Variants in PHF24 observed in about 807,000 individuals in gnomAD.
PHF24 encodes the protein Galpha inhibitory interacting protein.
In PHF24, 25 loss-of-function variants were observed where a neutral mutation model predicts 42.6. The ratio of observed to expected loss-of-function variants is 0.59; its 90% CI spans 0.43 to 0.82. PHF24 has a LOEUF of 0.82. Among genes scored for constraint, PHF24 ranks in the 40% least tolerant of loss-of-function variants. The probability of loss-of-function intolerance (pLI) is 0.00; values close to 1 mark genes in which losing one functional copy is unlikely to be tolerated. For missense variants in PHF24, 470 were observed against 538.1 expected (o/e 0.87, Z 1.25); for synonymous variants, 185 against 204.8 (o/e 0.90, Z 0.83).
chr9:34,782,991 T>TTGTTTCTGACC, the PHF24 span, among the ~76,000 whole-genome samples: 1 of 152,332 alleles, frequency 6.6e-6, no homozygotes, highest in Admixed American at 6.5e-5. Context: ...AGGTTGCGTT[T>TTGTTTCTGACC]TGTTTCTGAC....
At chr9:34,744,643 C>T in the PHF24 span, among the ~76,000 whole-genome samples, 3 of 152,170 alleles carry the variant, frequency 2.0e-5, no homozygotes, top group Admixed American at 6.5e-5. Context: ...TTTCATTCTG[C>T]AATGCTTTGC....
chr9:34,941,892 C>CA, the PHF24 span, among the ~76,000 whole-genome samples: 1 of 152,160 alleles, frequency 6.6e-6, no homozygotes, highest in Non-Finnish European at 1.5e-5. Context: ...TGAAGGGACA[C>CA]AAACAGTCAG....
chr9:34,860,391 C>CCTA, the PHF24 span, among the ~76,000 whole-genome samples: 1 of 152,046 alleles, frequency 6.6e-6, no homozygotes, highest in Non-Finnish European at 1.5e-5. Context: ...AGGATTTATT[C>CCTA]CTATATATTT....
the PHF24 span, among the ~76,000 whole-genome samples, chr9:34,921,758 T>C: frequency 6.6e-6 from 1 of 152,214 alleles, no homozygotes; most frequent in African/African-American, 2.4e-5. Context: ...GCCTTGTAAG[T>C]GCTCCAAACC....
chr9:34,813,647 C>CT, the PHF24 span, among the ~76,000 whole-genome samples: 1 of 152,222 alleles, frequency 6.6e-6, no homozygotes, highest in Non-Finnish European at 1.5e-5. Flanking sequence ...TAAAGTCCAC[C>CT]TGCAGTTCTT....
the PHF24 span, chr9:34,726,602 A>C: frequency 6.4e-7 from 1 of 1,551,678 alleles, no homozygotes; most frequent in Non-Finnish European, 8.7e-7. Context: ...GCCCCGGAGC[A>C]CATCTGGCAC....
the PHF24 span, among the ~76,000 whole-genome samples, chr9:34,698,885 A>C: frequency 1.3e-5 from 2 of 152,226 alleles, no homozygotes; most frequent in East Asian, 3.8e-4. Context: ...TGTGGCAGAT[A>C]AGGGTGTGCT....
chr9:34,935,905 G>A, the PHF24 span, among the ~76,000 whole-genome samples: 1 of 151,996 alleles, frequency 6.6e-6, no homozygotes, highest in African/African-American at 2.4e-5. Context: ...ATACACTGTG[G>A]AAGCTGCAGC....
chr9:34,691,652 G>A, the PHF24 span, among the ~76,000 whole-genome samples: 1 of 152,212 alleles, frequency 6.6e-6, no homozygotes, highest in African/African-American at 2.4e-5. Flanking sequence ...TGTCCTCACT[G>A]GTGCTTCTTT....
the PHF24 span, chr9:34,729,197 T>C: frequency 7.0e-7 from 1 of 1,428,466 alleles, no homozygotes; most frequent in Non-Finnish European, 9.3e-7. Flanking sequence ...ATAAAAATTC[T>C]GGGGTGGGGA....
At chr9:34,860,348 T>A in the PHF24 span, among the ~76,000 whole-genome samples, 1 of 152,224 alleles carries the variant, frequency 6.6e-6, no homozygotes, top group South Asian at 2.1e-4. Context: ...AGTTGTAAAA[T>A]TGTTTTCCCA....
At chr9:34,715,993 T>A in the PHF24 span, among the ~76,000 whole-genome samples, 1 of 152,100 alleles carries the variant, frequency 6.6e-6, no homozygotes, top group Non-Finnish European at 1.5e-5. Context: ...GAATTTCAGC[T>A]CAAGGGCTAG....
chr9:34,834,950 G>A, the PHF24 span: 1 of 1,444,970 alleles, frequency 6.9e-7, no homozygotes, highest in Non-Finnish European at 9.3e-7. Flanking sequence ...AAGGCCTTGA[G>A]ATCCCATGAA....
At chr9:34,753,256 AG>A in the PHF24 span, among the ~76,000 whole-genome samples, 1 of 152,140 alleles carries the variant, frequency 6.6e-6, no homozygotes, top group Non-Finnish European at 1.5e-5. Context: ...GGAAAAACCT[AG>A]AAACTTCACC....
chr9:34,783,647 T>C, the PHF24 span, among the ~76,000 whole-genome samples: 1 of 152,224 alleles, frequency 6.6e-6, no homozygotes, highest in Non-Finnish European at 1.5e-5. Flanking sequence ...AGAAATAAAA[T>C]AATCTTTTTC....
the PHF24 span, chr9:34,690,133 G>A: frequency 6.3e-7 from 1 of 1,592,834 alleles, no homozygotes; most frequent in Non-Finnish European, 8.6e-7. Context: ...TTGGCATGGA[G>A]AAGGGGAATA....
chr9:34,742,155 T>A, the PHF24 span, among the ~76,000 whole-genome samples: 7 of 152,218 alleles, frequency 4.6e-5, no homozygotes, highest in Non-Finnish European at 8.8e-5. Flanking sequence ...CATTTATATT[T>A]TGTGAAATAT....
chr9:34,822,715 A>G, the PHF24 span, among the ~76,000 whole-genome samples: 1 of 152,228 alleles, frequency 6.6e-6, no homozygotes, highest in Non-Finnish European at 1.5e-5. Flanking sequence ...AATTAGAGGC[A>G]TTACATCAGT....
the PHF24 span, among the ~76,000 whole-genome samples, chr9:34,748,964 A>G: frequency 6.6e-6 from 1 of 152,308 alleles, no homozygotes; most frequent in African/African-American, 2.4e-5. Flanking sequence ...AATATAACAC[A>G]GAGAAAAAAT....
Sources: gnomAD v4.1 joint callset for allele counts (sites outside exome capture counted in the v4.1 genomes callset) on GRCh38, gnomAD v4.1.1 for gene constraint, MANE v1.5 for transcripts, NCBI Gene and HGNC (gene_info 2026-07-23, HGNC 2026-07-21) for gene names.